The following PAPPA2 variants were observed in gnomAD, a reference collection of about 807,000 sequenced individuals.
PAPPA2 encodes pappalysin 2.
Under a neutral mutation model 176.4 loss-of-function variants are expected in PAPPA2, and 86 were observed. The observed-to-expected ratio is 0.49, with a 90% CI of 0.41 to 0.58. PAPPA2 has a LOEUF of 0.58. PAPPA2 is among the 20% of genes least tolerant of loss of function. PAPPA2 has a pLI of 0.00. For missense variants in PAPPA2, 2,073 were observed against 2,256.9 expected, an observed-to-expected ratio of 0.92 and a Z score of 1.65; for synonymous variants, 809 against 852.2, an observed-to-expected ratio of 0.95 and a Z score of 0.88.
At chr1:176,562,948 A>C (rs1433635842) in intron 2 of PAPPA2, among the ~76,000 whole-genome samples, 2 of 152,032 alleles carry the variant, frequency 1.3e-5, no homozygotes, top group Admixed American at 6.5e-5. Flanking sequence ...AATTTTCTCT[A>C]TGTCTCTGCT....
At chr1:176,537,363 A>G (rs921428735) in intron 1 of PAPPA2, 1 of 152,220 alleles carries the variant, frequency 6.6e-6, no homozygotes, top group Non-Finnish European at 1.5e-5. Context: ...CTGAAATGTC[A>G]TCATCTATGC....
At chr1:176,770,199 G>T (rs915482270) in intron 16 of PAPPA2, among the ~76,000 whole-genome samples, 1 of 152,182 alleles carries the variant, frequency 6.6e-6, no homozygotes, top group African/African-American at 2.4e-5. Context: ...AGATGGAGTG[G>T]AGCCTGCTCT....
Position 176,516,231 on chromosome 1 carries a change from A to T in PAPPA2, c.-916-39176A>T, listed in dbSNP as rs540552535. 9.3e-5 allele frequency among the ~76,000 whole-genome samples: 14 copies of T among 150,584 alleles called. No individual in the cohort carries two copies. The South Asian group carries it at 1.9e-3, about 20-fold the overall frequency. On this transcript the variant is annotated intron_variant, in intron 1 of 22. Transcript: ENST00000367662. ...GTGTCTCACCACAAATGCTGCTAAG[A>T]TTCCCTTTTCTGTCCTCGGAGTCAA... is the stretch of plus-strand genomic sequence containing the variant.
chr1:176,693,956 A>G (rs1487940905), intron 6 of PAPPA2, among the ~76,000 whole-genome samples: 1 of 152,228 alleles, frequency 6.6e-6, no homozygotes, highest in Non-Finnish European at 1.5e-5. Context: ...ACGATAAAGC[A>G]GACATCAGTA....
At chr1:176,821,273 A>C (rs377382667) in intron 21 of PAPPA2, among the ~76,000 whole-genome samples, 43 of 152,352 alleles carry the variant, frequency 2.8e-4, no homozygotes, top group African/African-American at 9.9e-4. Context: ...TAATACAATC[A>C]TATGAATAAG....
At chr1:176,841,578 C>A (rs961945807) in intron 22 of PAPPA2, among the ~76,000 whole-genome samples, 3 of 152,052 alleles carry the variant, frequency 2.0e-5, no homozygotes, top group African/African-American at 4.8e-5. Context: ...ACTTTTATAT[C>A]ACCTCTCCCA....
chr1:176,483,848 G>A (rs968138929), intron 1 of PAPPA2, among the ~76,000 whole-genome samples: 1 of 152,102 alleles, frequency 6.6e-6, no homozygotes, highest in Non-Finnish European at 1.5e-5. Context: ...AGAGGGAATG[G>A]GGAGAAGCTG....
chr1:176,537,322 G>A (rs1214781239), intron 1 of PAPPA2: 1 of 152,216 alleles, frequency 6.6e-6, no homozygotes, highest in Non-Finnish European at 1.5e-5. Context: ...CAAGGCAGTG[G>A]ACAAGGCTCA....
chr1:176,723,080 A>T (rs1320743770), intron 12 of PAPPA2, among the ~76,000 whole-genome samples: 1 of 152,186 alleles, frequency 6.6e-6, no homozygotes, highest in East Asian at 1.9e-4. Context: ...CTGCATCAAA[A>T]CATGGTACCA....
In PAPPA2 at chr1:176,465,510, A is replaced by G. The variant is rs969889211; in HGVS notation, c.-917+2092A>G. 2.6e-5 allele frequency among the ~76,000 whole-genome samples: 4 copies of G among 152,148 alleles called. No individual in the cohort carries two copies. In the South Asian group the frequency reaches 8.3e-4, roughly 31 times the overall value. ...CCTATATTTATTGGGCACATATATC[A>G]CCTGTTTTTTCTTCAAAGGCTGCAA... On this transcript the variant is annotated intron_variant, in intron 1 of 22. Coordinates refer to ENST00000367662, the MANE Select transcript of PAPPA2 (RefSeq NM_020318.3).
intron 3 of PAPPA2, among the ~76,000 whole-genome samples, chr1:176,629,705 A>G (rs1243482307): frequency 6.6e-6 from 1 of 152,176 alleles, no homozygotes; most frequent in African/African-American, 2.4e-5. Context: ...CTCATTATTC[A>G]TGTATTCTTT....
chr1:176,626,042 T>TA (rs1054962766), intron 3 of PAPPA2, among the ~76,000 whole-genome samples: 9 of 151,420 alleles, frequency 5.9e-5, no homozygotes, highest in Admixed American at 4.0e-4. Context: ...TTGTAAAAAT[T>TA]AAAAAAAAAT....
intron 3 of PAPPA2, among the ~76,000 whole-genome samples, chr1:176,634,520 C>G (rs996974921): frequency 3.3e-5 from 5 of 151,972 alleles, no homozygotes; most frequent in Non-Finnish European, 5.9e-5. Context: ...AGCACACCAA[C>G]ATGGCACATG....
rs186984479 is a variant in PAPPA2 at position 176,676,083 on chromosome 1, A to C, written c.2137+4968A>C. Among the ~76,000 whole-genome samples, 444 of 152,198 alleles carry C rather than the reference A, an allele frequency of 2.9e-3. 3 individuals are homozygous for C. Among genetic ancestry groups the C allele is most frequent in the African/African-American group, 7.8e-3 (323 of 41,566 alleles). ...AAATAAAAAATAATGACAATACTAA[A>C]TCCTGGTAAGGATACAGAAAAATGG... On this transcript the variant is annotated intron_variant, in intron 4 of 22. Transcript: ENST00000367662.
In PAPPA2 at chr1:176,481,252, GCACACA is replaced by G. The variant is rs56206580; in HGVS notation, c.-917+17877_-917+17882del. Among the ~76,000 whole-genome samples the G allele has an allele frequency of 4.2e-3, 591 of 140,306 alleles. 3 individuals carry two copies. Among genetic ancestry groups the G allele is most frequent in the Non-Finnish European group, 5.8e-3 (377 of 64,770 alleles). The allele number at this position is 140,306 out of a possible 152,430, so 92.0% of individuals were successfully genotyped here. On this transcript the variant is annotated intron_variant, in intron 1 of 22. Coordinates refer to ENST00000367662, the MANE Select transcript of PAPPA2 (RefSeq NM_020318.3). ...TTGATTTAAGCGCTGAGATTTTAAA[GCACACA>G]CACACACACACACACACACACACAC...
At chr1:176,710,231 C>A in intron 11 of PAPPA2, 55 bp downstream of exon 11, 1 of 1,485,372 alleles carries the variant, frequency 6.7e-7, no homozygotes, top group Non-Finnish European at 9.3e-7. Context: ...AAAGTGACTC[C>A]CCCTATGCTT....
At chr1:176,808,411 A>G (rs1666001580) in intron 21 of PAPPA2, among the ~76,000 whole-genome samples, 1 of 152,224 alleles carries the variant, frequency 6.6e-6, no homozygotes. Flanking sequence ...AAAAGGAATC[A>G]TCTTCCAGTG....
rs866109458 is a variant in PAPPA2 at position 176,837,493 on chromosome 1, A to C, written c.5203-2680A>C. 6.0e-3 allele frequency among the ~76,000 whole-genome samples: 918 copies of C among 152,032 alleles called. 17 individuals carry two copies. Among genetic ancestry groups the C allele is most frequent in the African/African-American group, 0.02 (849 of 41,438 alleles). On this transcript the variant is annotated intron_variant, in intron 21 of 22. Coordinates refer to ENST00000367662, the MANE Select transcript of PAPPA2 (RefSeq NM_020318.3). ...TGTTAAAAGGCAAAAAAAAAAAAAA[A>C]AAAAAACGGGTGTTTTATAAAGATA...
chr1:176,642,129 T>A (rs1316518582), intron 3 of PAPPA2, among the ~76,000 whole-genome samples: 1 of 151,910 alleles, frequency 6.6e-6, no homozygotes, highest in Non-Finnish European at 1.5e-5. Context: ...CCCTTCCTTC[T>A]ATAGGAATGG....
Sources: allele counts gnomAD v4.1 joint callset (sites outside exome capture counted in the v4.1 genomes callset), GRCh38; gene constraint gnomAD v4.1.1; transcripts MANE v1.5; gene names NCBI Gene and HGNC (gene_info 2026-07-23, HGNC 2026-07-21).